Variants in DPYSL5 observed in about 807,000 individuals in gnomAD.
DPYSL5 encodes dihydropyrimidinase like 5.
In DPYSL5, 9 loss-of-function variants were observed where a neutral mutation model predicts 58.4. The ratio of observed to expected loss-of-function variants is 0.15; its 90% CI spans 0.09 to 0.27. The LOEUF is 0.27. Among genes scored for constraint, DPYSL5 ranks in the 10% least tolerant of loss-of-function variants. The pLI is 1.00. For synonymous variants in DPYSL5, 293 were observed against 301.9 expected (o/e 0.97, Z 0.31); for missense variants, 499 against 770.6 (o/e 0.65, Z 4.17).
chr2:26,901,874 C>T (rs1664168661), intron 2 of DPYSL5, among the ~76,000 whole-genome samples: 1 of 150,044 alleles, frequency 6.7e-6, no homozygotes, highest in East Asian at 2.0e-4. Context: ...CCGAGAACAT[C>T]TGGGCCTCCA....
intron 2 of DPYSL5, among the ~76,000 whole-genome samples, chr2:26,906,595 T>C (rs1356256149): frequency 6.6e-6 from 1 of 152,128 alleles, no homozygotes; most frequent in Non-Finnish European, 1.5e-5. Context: ...ACAAGATCCC[T>C]CCCACACTCA....
rs67138052 is a variant in DPYSL5 at position 26,948,073 on chromosome 2, C to CCACACACACACACACACACACA, written c.*1094_*1115dup. 1 of 143,548 alleles carries CCACACACACACACACACACACA rather than the reference C, an allele frequency of 7.0e-6. No homozygotes were observed. The highest frequency in any genetic ancestry group is 1.5e-5 in the Non-Finnish European group (1 of 66,762). 8.9% of individuals were successfully genotyped at this position (143,548 alleles called of 1,614,324 possible). A position where few individuals can be genotyped will look rare whatever the true frequency, so the allele number is the denominator to read the frequency against. On this transcript the variant is annotated 3_prime_UTR_variant, in exon 13 of 13. Transcript: ENST00000288699. ...TGCCTTCCCCTGTCTTCACCTGCCA[C>CCACACACACACACACACACACA]CACACACACACACACACACACACAC... is the stretch of plus-strand genomic sequence containing the variant.
intron 12 of DPYSL5, among the ~76,000 whole-genome samples, chr2:26,945,305 T>TTC (rs386389766): frequency 6.1e-4 from 15 of 24,620 alleles, no homozygotes; most frequent in Non-Finnish European, 2.0e-4. Flanking sequence ...CTTCACCTTC[T>TTC]TTTTTTTTTT....
intron 2 of DPYSL5, among the ~76,000 whole-genome samples, chr2:26,909,556 C>T (rs893850424): frequency 8.5e-5 from 13 of 152,054 alleles, no homozygotes; most frequent in African/African-American, 2.9e-4. Flanking sequence ...CACTTGAGGC[C>T]AGGAGTTTAA....
intron 1 of DPYSL5, among the ~76,000 whole-genome samples, chr2:26,879,156 G>C (rs1663489153): frequency 6.6e-6 from 1 of 152,096 alleles, no homozygotes; most frequent in Admixed American, 6.5e-5. Context: ...GTGGAGGCCG[G>C]GGACCAACCA....
Position 26,898,825 on chromosome 2 carries a change from T to C in DPYSL5, c.261+65T>C. The C allele has an allele frequency of 6.5e-7, 1 of 1,542,234 alleles. No individual in the cohort carries two copies. The highest frequency in any genetic ancestry group is 8.8e-7 in the Non-Finnish European group (1 of 1,140,266). On this transcript the variant is annotated intron_variant, in intron 2 of 12. Transcript: ENST00000288699. The surrounding 1 kb of genome is among the most constrained non-coding windows in gnomAD (Gnocchi z 6.1). ...TTTTTTATTCTGCTTCTAGGGCTGC[T>C]CCAGACTAGACTCATGTGAGCCAGG...
At chr2:26,853,243 G>A (rs1258749997) in intron 1 of DPYSL5, among the ~76,000 whole-genome samples, 1 of 152,160 alleles carries the variant, frequency 6.6e-6, no homozygotes, top group Non-Finnish European at 1.5e-5. Context: ...GTGAGGAGCT[G>A]TTGTCCCAAG....
At chr2:26,873,030 A>G (rs1292796167) in intron 1 of DPYSL5, among the ~76,000 whole-genome samples, 3 of 152,204 alleles carry the variant, frequency 2.0e-5, no homozygotes, top group Non-Finnish European at 4.4e-5. Flanking sequence ...TTAATCCAAC[A>G]AGGGTTTCCC....
chr2:26,937,845 C>T (rs1665220561), intron 8 of DPYSL5, among the ~76,000 whole-genome samples: 2 of 151,742 alleles, frequency 1.3e-5, no homozygotes, highest in Non-Finnish European at 2.9e-5. Flanking sequence ...GGGTTACAGG[C>T]GTGAGCCACC....
intron 12 of DPYSL5, among the ~76,000 whole-genome samples, chr2:26,946,414 G>GT (rs113861325): frequency 8.6e-4 from 126 of 145,784 alleles, no homozygotes; most frequent in East Asian, 2.0e-3. Flanking sequence ...GTTTGTTTTT[G>GT]TTTTTTTTTT....
intron 6 of DPYSL5, among the ~76,000 whole-genome samples, chr2:26,932,306 G>A (rs113375910): frequency 0.023 from 3,428 of 152,170 alleles, 94 homozygotes; most frequent in African/African-American, 0.072. Context: ...GGAACCCAGA[G>A]CTGTTTGCTG....
intron 1 of DPYSL5, among the ~76,000 whole-genome samples, chr2:26,891,593 G>C (rs1572691363): frequency 6.6e-6 from 1 of 152,290 alleles, no homozygotes; most frequent in Non-Finnish European, 1.5e-5. Flanking sequence ...AAGGATGGCA[G>C]AGGGAGGAAC....
At chr2:26,906,574 C>T (rs186872759) in intron 2 of DPYSL5, among the ~76,000 whole-genome samples, 2 of 152,224 alleles carry the variant, frequency 1.3e-5, no homozygotes, top group African/African-American at 4.8e-5. Context: ...GTACGTTTTC[C>T]CATCTTATTC....
chr2:26,947,035 C>G lies in DPYSL5; in HGVS notation c.*40C>G. Reference sequence around the variant, plus strand: ...CCCCCGAGTGAGGACGCACCGCCGCCACCAGCCCGCAACTCTCCAGCCGAA... The same window carrying G: ...CCCCCGAGTGAGGACGCACCGCCGCGACCAGCCCGCAACTCTCCAGCCGAA... On this transcript the variant is annotated 3_prime_UTR_variant, in exon 13 of 13. Coordinates refer to ENST00000288699, the MANE Select transcript of DPYSL5 (RefSeq NM_020134.4). The surrounding 1 kb of genome is among the most constrained non-coding windows in gnomAD (Gnocchi z 4.2). 1 of 1,500,224 alleles carries G rather than the reference C, an allele frequency of 6.7e-7. No homozygotes were observed. Among genetic ancestry groups the G allele is most frequent in the Non-Finnish European group, 9.2e-7 (1 of 1,086,018 alleles). The allele number at this position is 1,500,224 out of a possible 1,614,324, so 92.9% of individuals were successfully genotyped here.
chr2:26,855,349 A>C (rs994409896), intron 1 of DPYSL5, among the ~76,000 whole-genome samples: 12 of 151,802 alleles, frequency 7.9e-5, no homozygotes, highest in African/African-American at 2.9e-4. Context: ...GAATCGCTTG[A>C]ACCCAGGAGG....
chr2:26,943,297 G>A (rs1281467731), intron 11 of DPYSL5, among the ~76,000 whole-genome samples: 3 of 152,022 alleles, frequency 2.0e-5, no homozygotes, highest in South Asian at 2.1e-4. Context: ...AATGAGTGAA[G>A]AAATCCACTG....
chr2:26,893,104 GT>G (rs1483846031), intron 1 of DPYSL5, among the ~76,000 whole-genome samples: 1 of 152,214 alleles, frequency 6.6e-6, no homozygotes, highest in African/African-American at 2.4e-5. Flanking sequence ...GGGAGCAGAT[GT>G]TCCTGGAGTA....
At chr2:26,922,174 G>A (rs552463167) in intron 2 of DPYSL5, among the ~76,000 whole-genome samples, 8 of 152,276 alleles carry the variant, frequency 5.3e-5, no homozygotes, top group South Asian at 2.1e-4. Flanking sequence ...ACAAAACCCC[G>A]AATCTCTCCT....
At chr2:26,876,850 A>G (rs1663421975) in intron 1 of DPYSL5, among the ~76,000 whole-genome samples, 1 of 151,600 alleles carries the variant, frequency 6.6e-6, no homozygotes, top group South Asian at 2.1e-4. Flanking sequence ...AAAGAAATAT[A>G]CAAGAGATGT....
Sources: gnomAD v4.1 joint callset for allele counts (sites outside exome capture counted in the v4.1 genomes callset) on GRCh38, gnomAD v4.1.1 for gene constraint, Gnocchi (gnomAD v3.1) non-coding constraint, MANE v1.5 for transcripts, NCBI Gene and HGNC (gene_info 2026-07-23, HGNC 2026-07-21) for gene names.